ZDHHC3: variants seen among roughly 807,000 people sequenced by gnomAD.
The protein encoded by ZDHHC3 is palmitoyltransferase ZDHHC3.
ZDHHC3 carries 9 observed loss-of-function variants against 30.6 expected under a neutral mutation model. The ratio of observed to expected loss-of-function variants is 0.29; its 90% CI spans 0.18 to 0.51. ZDHHC3 has a LOEUF of 0.51. Among genes scored for constraint, ZDHHC3 ranks in the 20% least tolerant of loss-of-function variants. The pLI is 0.97. For missense variants in ZDHHC3, 246 were observed against 384.2 expected (o/e 0.64, Z 3.01); for synonymous variants, 136 against 140.2 (o/e 0.97, Z 0.21).
In ZDHHC3 at chr3:44,945,265, T is replaced by C. The variant is rs1702815536; in HGVS notation, c.334A>G (p.Lys112Glu). Residue 112 changes from lysine to glutamate, a missense_variant, in exon 3 of 7, where the codon AAA becomes GAA. Physicochemically the swap from Lys to Glu is moderately conservative, Grantham distance 56 (BLOSUM62 1). Transcript: ENST00000424952. ...PGAVPKGNATKEFIESLQLKP... is the reference protein window; with the variant it reads ...PGAVPKGNATEEFIESLQLKP... ...AACTGTAAACTCTCGATGAATTCTT[T>C]AGTGGCATTTCCTTTGGGCACTGCC... 3.1e-6 allele frequency: 5 copies of C among 1,614,120 alleles called. No individual in the cohort carries two copies. The highest frequency in any genetic ancestry group is 4.2e-6 in the Non-Finnish European group (5 of 1,180,056).
In ZDHHC3 at chr3:44,938,887, C is replaced by T. The variant is rs550872437; in HGVS notation, c.432-4903G>A. 8.5e-5 allele frequency among the ~76,000 whole-genome samples: 13 copies of T among 152,306 alleles called. No individual in the cohort carries two copies. The South Asian group carries it at 2.1e-3, about 24-fold the overall frequency. On this transcript the variant is annotated intron_variant, in intron 3 of 6. Transcript: ENST00000424952. ...AGAAGATGTGTGCTTTTCAAAGCCT[C>T]GCATGAACTTTGGTGGCAATGCAGA...
Position 44,923,019 on chromosome 3 carries a change from C to G in ZDHHC3, c.*3670G>C. ...ATTAGCCTGGCTGAGAAAGCCCATC[C>G]CAGCCCACCCGGAGAGGAGTTTCTG... On this transcript the variant is annotated 3_prime_UTR_variant, in exon 7 of 7. Transcript: ENST00000424952. 2 of 985,164 alleles carry G rather than the reference C, an allele frequency of 2.0e-6. No homozygotes were observed. Among genetic ancestry groups the G allele is most frequent in the Non-Finnish European group, 1.2e-6 (1 of 829,806 alleles). The allele number at this position is 985,164 out of a possible 1,614,324, so 61.0% of individuals were successfully genotyped here.
At position 44,975,054 on chromosome 3, in the gene ZDHHC3, A is replaced by ATT. The variant is rs75953495; in HGVS notation, c.-25+877_-25+878dup. ...TTGAACCCACTATCTGATAAATACCATTTTTTTTTTTTTTTGGCTGAGGGT... is the reference window on the plus strand; with the variant it reads ...TTGAACCCACTATCTGATAAATACCATTTTTTTTTTTTTTTTTGGCTGAGGGT... On this transcript the variant is annotated intron_variant, in intron 1 of 6. Transcript: ENST00000424952. Among the ~76,000 whole-genome samples the ATT allele has an allele frequency of 9.1e-3, 1,316 of 144,594 alleles. 7 individuals carry two copies. The highest frequency in any genetic ancestry group is 0.014 in the Non-Finnish European group (920 of 65,790). 94.9% of individuals were successfully genotyped at this position (144,594 alleles called of 152,430 possible).
Position 44,918,273 on chromosome 3 carries a change from G to T in ZDHHC3, c.*8416C>A. On this transcript the variant is annotated 3_prime_UTR_variant, in exon 7 of 7. Transcript: ENST00000424952. The stretch of plus-strand genomic sequence containing the variant: ...GGTGTCCACGGCATGGGTAAGATGG[G>T]GTCTGAGTGGGCAGTCTGTTGTGGC... 8.3e-7 allele frequency: 1 copy of T among 1,202,218 alleles called. No homozygotes were observed. The highest frequency in any genetic ancestry group is 1.1e-6 in the Non-Finnish European group (1 of 945,640). 74.5% of individuals were successfully genotyped at this position (1,202,218 alleles called of 1,614,324 possible). A position where few individuals can be genotyped will look rare whatever the true frequency, so the allele number is the denominator to read the frequency against.
chr3:44,921,381 G>C lies in ZDHHC3; in HGVS notation c.*5308C>G. The C allele has an allele frequency of 1.0e-6, 1 of 985,298 alleles. No individual in the cohort carries two copies. The highest frequency in any genetic ancestry group is 1.7e-5 in the African/African-American group (1 of 57,338). The allele number at this position is 985,298 out of a possible 1,614,324, so 61.0% of individuals were successfully genotyped here. A position where few individuals can be genotyped will look rare whatever the true frequency, so the allele number is the denominator to read the frequency against. ...TCTTCATAGCGGGCCAGATAACACT[G>C]TCTCTCCTCATCAGAGATTTCATAC... On this transcript the variant is annotated 3_prime_UTR_variant, in exon 7 of 7. Transcript: ENST00000424952.
chr3:44,918,281 T>C lies in ZDHHC3; in HGVS notation c.*8408A>G, dbSNP rs116519671. 1.7e-3 allele frequency: 2,073 copies of C among 1,195,290 alleles called. 37 individuals carry two copies. The African/African-American group carries it at 0.031, about 18-fold the overall frequency. The allele number at this position is 1,195,290 out of a possible 1,614,324, so 74.0% of individuals were successfully genotyped here. A position where few individuals can be genotyped will look rare whatever the true frequency, so the allele number is the denominator to read the frequency against. On this transcript the variant is annotated 3_prime_UTR_variant, in exon 7 of 7. Transcript: ENST00000424952. ...CGGCATGGGTAAGATGGGGTCTGAG[T>C]GGGCAGTCTGTTGTGGCCCAGGTCA... is the stretch of plus-strand genomic sequence containing the variant.
At position 44,920,428 on chromosome 3, in the gene ZDHHC3, C is replaced by G. The variant is rs1700513381; in HGVS notation, c.*6261G>C. Reference sequence around the variant, plus strand: ...CTACAGAGGAAACACCCAAAAATGACAGACTGGCTGCATCCACACTGACTT... The same window carrying G: ...CTACAGAGGAAACACCCAAAAATGAGAGACTGGCTGCATCCACACTGACTT... On this transcript the variant is annotated 3_prime_UTR_variant, in exon 7 of 7. Coordinates refer to ENST00000424952, the MANE Select transcript of ZDHHC3 (RefSeq NM_001135179.2). 7 of 1,264,328 alleles carry G rather than the reference C, an allele frequency of 5.5e-6. No homozygotes were observed. The highest frequency in any genetic ancestry group is 7.2e-6 in the Non-Finnish European group (7 of 972,210). 78.3% of individuals were successfully genotyped at this position (1,264,328 alleles called of 1,614,324 possible).
At position 44,918,919 on chromosome 3, in the gene ZDHHC3, G is replaced by A; in HGVS notation, c.*7770C>T. The A allele has an allele frequency of 3.0e-6, 3 of 985,582 alleles. No individual in the cohort carries two copies. Among genetic ancestry groups the A allele is most frequent in the Non-Finnish European group, 3.6e-6 (3 of 830,072 alleles). The allele number at this position is 985,582 out of a possible 1,614,324, so 61.1% of individuals were successfully genotyped here. On this transcript the variant is annotated 3_prime_UTR_variant, in exon 7 of 7. Transcript: ENST00000424952. ...CCAGGCCCACAACACCCTGCACAGA[G>A]GCCTTTGACCCTCCACTGGGGGCAC...
Position 44,975,926 on chromosome 3 carries a change from A to C in ZDHHC3, c.-25+7T>G. The C allele has an allele frequency of 4.4e-6, 1 of 225,568 alleles. No homozygotes were observed. Among genetic ancestry groups the C allele is most frequent in the Non-Finnish European group, 8.5e-6 (1 of 117,172 alleles). The allele number at this position is 225,568 out of a possible 1,614,324, so 14.0% of individuals were successfully genotyped here. A position where few individuals can be genotyped will look rare whatever the true frequency, so the allele number is the denominator to read the frequency against. Reference sequence around the variant, plus strand: ...CACCCCTACCCCAGTTTCCCTTCCCAACTGACCGTGAAGCCGGAGGCAGTT... The same window carrying C: ...CACCCCTACCCCAGTTTCCCTTCCCCACTGACCGTGAAGCCGGAGGCAGTT... On this transcript the variant is annotated splice_region_variant and intron_variant, in intron 1 of 6. Transcript: ENST00000424952.
intron 1 of ZDHHC3, among the ~76,000 whole-genome samples, chr3:44,974,527 C>G (rs984084374): frequency 6.6e-6 from 1 of 152,148 alleles, no homozygotes; most frequent in Non-Finnish European, 1.5e-5. Flanking sequence ...CTTATCACAA[C>G]AGAGCTCCTC....
rs1704213992 is a variant in ZDHHC3, at chr3:44,959,016, C to T, written c.306+115G>A. The T allele has an allele frequency of 7.7e-7, 1 of 1,306,524 alleles. No homozygotes were observed. The highest frequency in any genetic ancestry group is 1.5e-5 in the African/African-American group (1 of 68,300). 80.9% of individuals were successfully genotyped at this position (1,306,524 alleles called of 1,614,324 possible). On this transcript the variant is annotated intron_variant, in intron 2 of 6. Coordinates refer to ENST00000424952, the MANE Select transcript of ZDHHC3 (RefSeq NM_001135179.2). The surrounding 1 kb of genome is among the most constrained non-coding windows in gnomAD (Gnocchi z 4.3). ...CAGAGATCTACTTCCTCACCCTCCC[C>T]TGGCCCTCCTATCCTCCAAGTTCCC... is the stretch of plus-strand genomic sequence containing the variant.
At chr3:44,960,657 C>T (rs1704395153) in intron 1 of ZDHHC3, among the ~76,000 whole-genome samples, 1 of 152,208 alleles carries the variant, frequency 6.6e-6, no homozygotes, top group Non-Finnish European at 1.5e-5. Flanking sequence ...AAGCTCCCCA[C>T]CAGATGTAGG....
At position 44,926,570 on chromosome 3, in the gene ZDHHC3, TA is replaced by T. The variant is rs1385331858; in HGVS notation, c.*118del. 6 of 1,270,758 alleles carry T rather than the reference TA, an allele frequency of 4.7e-6. No homozygotes were observed. Among genetic ancestry groups the T allele is most frequent in the Non-Finnish European group, 4.0e-6 (4 of 1,002,086 alleles). The allele number at this position is 1,270,758 out of a possible 1,614,324, so 78.7% of individuals were successfully genotyped here. On this transcript the variant is annotated 3_prime_UTR_variant, in exon 7 of 7. Transcript: ENST00000424952. ...ATGCTCAGCCATTTTACTTGAGACATAAAAAAAGTTTTAAGAGTAGTTGTTT... is the reference window on the plus strand; with the variant it reads ...ATGCTCAGCCATTTTACTTGAGACATAAAAAAGTTTTAAGAGTAGTTGTTT...
At chr3:44,968,036 T>C (rs992784369) in intron 1 of ZDHHC3, among the ~76,000 whole-genome samples, 2 of 152,094 alleles carry the variant, frequency 1.3e-5, no homozygotes, top group African/African-American at 2.4e-5. Flanking sequence ...TGGGGAATAT[T>C]CCCAAGGTCG....
chr3:44,974,201 A>G (rs1705672138), intron 1 of ZDHHC3, among the ~76,000 whole-genome samples: 5 of 152,250 alleles, frequency 3.3e-5, no homozygotes, highest in Admixed American at 3.3e-4. Flanking sequence ...GACATCGTTC[A>G]TAACATTATT....
At position 44,951,891 on chromosome 3, in the gene ZDHHC3, CT is replaced by C. The variant is rs201461173; in HGVS notation, c.307-6600del. 5.7e-3 allele frequency among the ~76,000 whole-genome samples: 862 copies of C among 152,320 alleles called. 7 individuals are homozygous for C. The highest frequency in any genetic ancestry group is 0.02 in the African/African-American group (836 of 41,558). On this transcript the variant is annotated intron_variant, in intron 2 of 6. Coordinates refer to ENST00000424952, the MANE Select transcript of ZDHHC3 (RefSeq NM_001135179.2). Reference sequence around the variant, plus strand: ...CTGTCTGTGGGGCTGTGCCTCTCCCCTCCTCTTGGAATCCCGCCCATCCAGG... The same window carrying C: ...CTGTCTGTGGGGCTGTGCCTCTCCCCCCTCTTGGAATCCCGCCCATCCAGG...
Position 44,925,884 on chromosome 3 carries a change from G to T in ZDHHC3, c.*805C>A, listed in dbSNP as rs1331833275. The T allele has an allele frequency of 8.1e-6, 8 of 985,740 alleles. No individual in the cohort carries two copies. Among genetic ancestry groups the T allele is most frequent in the African/African-American group, 1.7e-5 (1 of 57,216 alleles). The allele number at this position is 985,740 out of a possible 1,614,324, so 61.1% of individuals were successfully genotyped here. A position where few individuals can be genotyped will look rare whatever the true frequency, so the allele number is the denominator to read the frequency against. ...TGGGGTGGTGAGAGAGGAAGCAGAT[G>T]AAACAAAGGAAAACGTAGCTTGCCT... On this transcript the variant is annotated 3_prime_UTR_variant, in exon 7 of 7. Coordinates refer to ENST00000424952, the MANE Select transcript of ZDHHC3 (RefSeq NM_001135179.2).
chr3:44,923,047 T>C lies in ZDHHC3; in HGVS notation c.*3642A>G, dbSNP rs1259185327. 21 of 984,072 alleles carry C rather than the reference T, an allele frequency of 2.1e-5. No individual in the cohort carries two copies. Among genetic ancestry groups the C allele is most frequent in the Non-Finnish European group, 2.2e-5 (18 of 829,758 alleles). The allele number at this position is 984,072 out of a possible 1,614,324, so 61.0% of individuals were successfully genotyped here. A position where few individuals can be genotyped will look rare whatever the true frequency, so the allele number is the denominator to read the frequency against. On this transcript the variant is annotated 3_prime_UTR_variant, in exon 7 of 7. Transcript: ENST00000424952. The stretch of plus-strand genomic sequence containing the variant: ...GCCCACCCGGAGAGGAGTTTCTGTG[T>C]AATGCCAACCTCACATACATGTTTA...
At chr3:44,966,587 T>A (rs1443724120) in intron 1 of ZDHHC3, among the ~76,000 whole-genome samples, 1 of 152,214 alleles carries the variant, frequency 6.6e-6, no homozygotes, top group African/African-American at 2.4e-5. Flanking sequence ...TTAGAACTTC[T>A]CACATTTTAG....
Sources: allele counts gnomAD v4.1 joint callset (sites outside exome capture counted in the v4.1 genomes callset), GRCh38; gene constraint gnomAD v4.1.1; non-coding constraint Gnocchi (gnomAD v3.1); transcripts MANE v1.5; gene names NCBI Gene and HGNC (gene_info 2026-07-23, HGNC 2026-07-21).